KRTAP4-9: variants seen among roughly 807,000 people sequenced by gnomAD.
The protein encoded by KRTAP4-9 is keratin associated protein 4-9.
Under a neutral mutation model 4.3 loss-of-function variants are expected in KRTAP4-9, and 4 were observed. That is an observed-to-expected ratio of 0.94 (90% CI 0.46 to 2.15). The LOEUF (loss-of-function observed/expected upper bound fraction) is 2.15, where lower values mean the gene tolerates loss of function less well. KRTAP4-9 is among the 30% of genes most tolerant of loss of function. The pLI is 0.02. For synonymous variants in KRTAP4-9, 111 were observed against 99.2 expected, an observed-to-expected ratio of 1.12 and a Z score of -0.70; for missense variants, 297 against 278.5, an observed-to-expected ratio of 1.07 and a Z score of -0.47.
exon 1 of KRTAP4-9, chr17:41,106,128 A>G (rs1461803854): frequency 5.5e-6 from 8 of 1,449,820 alleles, no homozygotes; most frequent in Non-Finnish European, 7.3e-6. Context: ...GTCATTCAAT[A>G]GAATGGAACT....
exon 1 of KRTAP4-9, chr17:41,106,317 T>G (rs2014091721): frequency 1.8e-6 from 1 of 562,992 alleles, no homozygotes; most frequent in African/African-American, 1.9e-5. Flanking sequence ...TTTATCACTT[T>G]GAGGTACAGA....
exon 1 of KRTAP4-9, chr17:41,105,948 C>T (rs764910325): frequency 2.2e-5 from 36 of 1,605,276 alleles, no homozygotes; most frequent in Non-Finnish European, 3.0e-5. Flanking sequence ...TCCTGCCACA[C>T]CACTTGCTAT....
rs775992423 is a variant in KRTAP4-9, at chr17:41,105,456, C to A, written c.68C>A (p.Thr23Asn). The stretch of plus-strand genomic sequence containing the variant: ...TGCGGCCAAGACCTCTGTCAGGAGA[C>A]CTGCTGCCGCCCCAGCTGCTGTGAG... The change falls in exon 1 of 1, where the codon ACC becomes AAC. Residue 23 changes from threonine (T) to asparagine (N), a missense_variant. By Grantham distance (65) the Thr-to-Asn change is moderately conservative (BLOSUM62 0). Transcript: ENST00000391415. 3 of 1,610,788 alleles carry A rather than the reference C, an allele frequency of 1.9e-6. No individual in the cohort carries two copies. In the Admixed American group the frequency reaches 5.0e-5, roughly 27 times the overall value.
chr17:41,106,315 T>A, exon 1 of KRTAP4-9: 1 of 564,670 alleles, frequency 1.8e-6, no homozygotes, highest in Non-Finnish European at 3.1e-6. Flanking sequence ...TCTTTATCAC[T>A]TTGAGGTACA....
At chr17:41,105,749 A>T in exon 1 of KRTAP4-9, 1 of 1,599,664 alleles carries the variant, frequency 6.3e-7, no homozygotes, top group Non-Finnish European at 8.5e-7. Context: ...TAGGTGCTGC[A>T]TCTCCAGCTG....
chr17:41,105,656 T>C (rs775169742), exon 1 of KRTAP4-9: 1 of 1,578,086 alleles, frequency 6.3e-7, no homozygotes, highest in South Asian at 1.1e-5. Flanking sequence ...GTCCAGCTGC[T>C]GCAGGCCCCA....
exon 1 of KRTAP4-9, chr17:41,105,620 A>C (rs1177815041): frequency 6.3e-7 from 1 of 1,595,520 alleles, no homozygotes; most frequent in East Asian, 2.4e-5. Context: ...TTGCAGGACC[A>C]CCTGCTACCG....
rs774933140 is a variant in KRTAP4-9, at chr17:41,105,509, C to T, written c.121C>T (p.Arg41Cys). The change falls in exon 1 of 1, where the codon CGC (arginine) becomes TGC (cysteine). Residue 41 changes from arginine (R) to cysteine (C), a missense_variant. By Grantham distance (180) the Arg-to-Cys change is radical. Transcript: ENST00000391415. ...CACCTGCTGCAGGACCACCTGCTGCCGCCCCAGCTGTTGTGTATCCAGCTG... is the reference window on the plus strand; with the variant it reads ...CACCTGCTGCAGGACCACCTGCTGCTGCCCCAGCTGTTGTGTATCCAGCTG... The T allele has an allele frequency of 2.3e-5, 36 of 1,563,906 alleles. 1 individual carries two copies. The highest frequency in any genetic ancestry group is 3.4e-4 in the Middle Eastern group (2 of 5,822).
exon 1 of KRTAP4-9, chr17:41,105,781 G>A (rs1180708719): frequency 6.2e-7 from 1 of 1,602,232 alleles, no homozygotes; most frequent in Non-Finnish European, 8.5e-7. Context: ...GCTGCTGTGT[G>A]TCCAGCTGCT....
chr17:41,105,805 C>T (rs2014077257), exon 1 of KRTAP4-9: 1 of 1,612,304 alleles, frequency 6.2e-7, no homozygotes, highest in East Asian at 2.2e-5. Context: ...AGCCCCAGTG[C>T]TGCCAGTCTG....
At chr17:41,106,060 C>A in exon 1 of KRTAP4-9, 1 of 1,540,202 alleles carries the variant, frequency 6.5e-7, no homozygotes, top group Non-Finnish European at 8.8e-7. Flanking sequence ...CACCACTGGC[C>A]CACAGATGTA....
rs1346299161 is a variant in KRTAP4-9 at position 41,106,254 on chromosome 17, A to G, written c.*233A>G. On this transcript the variant is annotated 3_prime_UTR_variant, in exon 1 of 1. Transcript: ENST00000391415. ...CGGTGGTGGCACCAAATGTGAATTA[A>G]TTTGTAATCCACTAGCTAGAAATTA... 4.1e-6 allele frequency: 3 copies of G among 736,970 alleles called. No homozygotes were observed. The African/African-American group carries it at 5.4e-5, about 13-fold the overall frequency. 45.7% of individuals were successfully genotyped at this position (736,970 alleles called of 1,614,324 possible). A position where few individuals can be genotyped will look rare whatever the true frequency, so the allele number is the denominator to read the frequency against.
exon 1 of KRTAP4-9, chr17:41,105,741 G>A (rs12938408): frequency 6.3e-7 from 1 of 1,595,628 alleles, no homozygotes; most frequent in Non-Finnish European, 8.5e-7. Flanking sequence ...TGCCACCCTA[G>A]GTGCTGCATC....
exon 1 of KRTAP4-9, chr17:41,105,560 G>T: frequency 3.8e-6 from 6 of 1,569,950 alleles, no homozygotes; most frequent in Non-Finnish European, 5.1e-6. Flanking sequence ...CTGCCAGTCT[G>T]TGTGCTGCCA....
exon 1 of KRTAP4-9, chr17:41,105,806 T>C: frequency 6.2e-7 from 1 of 1,612,196 alleles, no homozygotes; most frequent in South Asian, 1.1e-5. Context: ...GCCCCAGTGC[T>C]GCCAGTCTGT....
chr17:41,105,550 C>T, exon 1 of KRTAP4-9: 1 of 1,570,918 alleles, frequency 6.4e-7, no homozygotes, highest in Non-Finnish European at 8.5e-7. Context: ...GGCCCCAGTG[C>T]TGCCAGTCTG....
In KRTAP4-9 at chr17:41,105,614, A is replaced by C. The variant is rs1376914263; in HGVS notation, c.226A>C (p.Arg76=). ...CAGCTGCTGTCAGACCACCTGTTGC[A>C]GGACCACCTGCTACCGCCCCAGCTG... Residue 76 remains arginine (R), a synonymous_variant, in exon 1 of 1, where the codon AGG becomes CGG. Transcript: ENST00000391415. The C allele has an allele frequency of 2.5e-6, 4 of 1,575,356 alleles. No individual in the cohort carries two copies. In the South Asian group the frequency reaches 3.4e-5, roughly 13 times the overall value.
At chr17:41,105,797 C>A in exon 1 of KRTAP4-9, 3 of 1,611,278 alleles carry the variant, frequency 1.9e-6, no homozygotes, top group Non-Finnish European at 2.5e-6. Flanking sequence ...CTGCTGCAAG[C>A]CCCAGTGCTG....
chr17:41,106,060 C>T (rs1157980849), exon 1 of KRTAP4-9: 4 of 1,540,202 alleles, frequency 2.6e-6, no homozygotes, highest in Non-Finnish European at 2.6e-6. Flanking sequence ...CACCACTGGC[C>T]CACAGATGTA....
Sources: gnomAD v4.1 joint callset for allele counts on GRCh38, gnomAD v4.1.1 for gene constraint, MANE v1.5 for transcripts, NCBI Gene and HGNC (gene_info 2026-07-23, HGNC 2026-07-21) for gene names.